The following VAV3 variants were observed in gnomAD, a reference collection of about 807,000 sequenced individuals.
VAV3 encodes vav guanine nucleotide exchange factor 3, also known as guanine nucleotide exchange factor VAV3.
VAV3 carries 94 observed loss-of-function variants against 131.2 expected under a neutral mutation model. That is an observed-to-expected ratio of 0.72 (90% CI 0.61 to 0.85). The LOEUF (loss-of-function observed/expected upper bound fraction) is 0.85, where lower values mean the gene tolerates loss of function less well. VAV3 is among the 40% of genes least tolerant of loss of function. VAV3 has a pLI of 0.00. For missense variants in VAV3, 939 were observed against 1,002.7 expected (o/e 0.94, Z 0.86); for synonymous variants, 349 against 342.0 (o/e 1.02, Z -0.22).
At chr1:107,685,525 A>G (rs1658955583) in intron 18 of VAV3, among the ~76,000 whole-genome samples, 1 of 152,140 alleles carries the variant, frequency 6.6e-6, no homozygotes, top group African/African-American at 2.4e-5. Flanking sequence ...TACTACTTAT[A>G]CTTTAGGTTC....
At chr1:107,687,372 G>A (rs2504460) in intron 18 of VAV3, among the ~76,000 whole-genome samples, 134,156 of 152,168 alleles carry the variant, frequency 0.88, 59,194 homozygotes, top group Middle Eastern at 0.94. Context: ...ACTAGATGTT[G>A]GATTAAAAAC....
At chr1:107,948,997 C>A (rs1304950248) in intron 1 of VAV3, among the ~76,000 whole-genome samples, 1 of 152,200 alleles carries the variant, frequency 6.6e-6, no homozygotes, top group Non-Finnish European at 1.5e-5. Flanking sequence ...TTCAACTATG[C>A]TTCATTCCCA....
chr1:107,670,358 C>T (rs4639792), intron 19 of VAV3, among the ~76,000 whole-genome samples: 34,084 of 152,166 alleles, frequency 0.22, 4,898 homozygotes, highest in East Asian at 0.46. Flanking sequence ...AAACTCTTAA[C>T]CAACACACTC....
intron 20 of VAV3, among the ~76,000 whole-genome samples, chr1:107,633,110 G>A (rs1654628867): frequency 6.6e-6 from 1 of 151,924 alleles, no homozygotes. Flanking sequence ...AGGAATGAAG[G>A]AAATAATGAA....
chr1:107,931,819 T>C (rs1673451151), intron 1 of VAV3, among the ~76,000 whole-genome samples: 1 of 152,114 alleles, frequency 6.6e-6, no homozygotes. Flanking sequence ...AAACCACAGA[T>C]TTGGGGGTTT....
chr1:107,938,313 TGAG>T (rs1050435674), intron 1 of VAV3, among the ~76,000 whole-genome samples: 25 of 151,974 alleles, frequency 1.6e-4, no homozygotes, highest in African/African-American at 5.8e-4. Context: ...CAAGGAAAGC[TGAG>T]GAGGAAGGAG....
chr1:107,599,748 G>T (rs1400344535), intron 24 of VAV3, among the ~76,000 whole-genome samples: 1 of 151,002 alleles, frequency 6.6e-6, no homozygotes, highest in Non-Finnish European at 1.5e-5. Flanking sequence ...TCTGGAGTTT[G>T]CTTATGTTTT....
Position 107,602,393 on chromosome 1 carries a change from T to C in VAV3, c.2220+4A>G, listed in dbSNP as rs575375101. 1 of 1,536,586 alleles carries C rather than the reference T, an allele frequency of 6.5e-7. No homozygotes were observed. Among genetic ancestry groups the C allele is most frequent in the Non-Finnish European group, 8.8e-7 (1 of 1,137,630 alleles). Reference sequence around the variant, plus strand: ...CAGATTGAAAAGAAATAATCAATGCTTACCATTAAACTTTTAAATTTTCTA... The same window carrying C: ...CAGATTGAAAAGAAATAATCAATGCCTACCATTAAACTTTTAAATTTTCTA... On this transcript the variant is annotated splice_donor_region_variant and intron_variant, in intron 24 of 26. Coordinates refer to ENST00000370056, the MANE Select transcript of VAV3 (RefSeq NM_006113.5).
At chr1:107,586,117 T>G (rs1308799711) in intron 25 of VAV3, among the ~76,000 whole-genome samples, 1 of 146,998 alleles carries the variant, frequency 6.8e-6, no homozygotes, top group Non-Finnish European at 1.5e-5. Flanking sequence ...TCAGCGCTCA[T>G]GAGTACCACT....
intron 12 of VAV3, among the ~76,000 whole-genome samples, chr1:107,751,525 A>T (rs988156254): frequency 1.3e-5 from 2 of 152,194 alleles, no homozygotes; most frequent in African/African-American, 4.8e-5. Context: ...TTTTTTGAGC[A>T]TCTACTACGT....
At chr1:107,621,648 T>C (rs1459308241) in intron 20 of VAV3, among the ~76,000 whole-genome samples, 2 of 152,146 alleles carry the variant, frequency 1.3e-5, no homozygotes, top group African/African-American at 2.4e-5. Flanking sequence ...CTTCTTTACA[T>C]TACTCTGTGG....
chr1:107,670,881 C>T (rs866775258), intron 19 of VAV3, among the ~76,000 whole-genome samples: 4 of 152,084 alleles, frequency 2.6e-5, no homozygotes, highest in Non-Finnish European at 5.9e-5. Flanking sequence ...AAAAAAAAAT[C>T]CTTGAACAGT....
At chr1:107,882,120 A>C (rs935747050) in intron 1 of VAV3, among the ~76,000 whole-genome samples, 1 of 152,156 alleles carries the variant, frequency 6.6e-6, no homozygotes, top group Admixed American at 6.5e-5. Context: ...GAAGAGGAAA[A>C]ATCTCTACAG....
At chr1:107,593,779 T>TA (rs1488841307) in intron 25 of VAV3, among the ~76,000 whole-genome samples, 1 of 152,080 alleles carries the variant, frequency 6.6e-6, no homozygotes, top group Non-Finnish European at 1.5e-5. Context: ...TAAAAAATCA[T>TA]AAAGGCAAAG....
intron 2 of VAV3, among the ~76,000 whole-genome samples, chr1:107,784,468 A>G (rs1665877489): frequency 6.6e-6 from 1 of 152,224 alleles, no homozygotes; most frequent in South Asian, 2.1e-4. Context: ...AATTATGTGC[A>G]GATTTTGCTA....
chr1:107,789,711 T>C (rs1666192018), intron 2 of VAV3, among the ~76,000 whole-genome samples: 1 of 152,204 alleles, frequency 6.6e-6, no homozygotes. Context: ...ACTTAATATT[T>C]TAAAAGCCAT....
intron 1 of VAV3, among the ~76,000 whole-genome samples, chr1:107,941,131 T>C (rs1673970491): frequency 6.6e-6 from 1 of 152,146 alleles, no homozygotes; most frequent in Non-Finnish European, 1.5e-5. Context: ...ATCACTCACT[T>C]CTTTCAAAGT....
intron 25 of VAV3, among the ~76,000 whole-genome samples, chr1:107,574,963 C>CTGTGTG (rs753834313): frequency 2.5e-4 from 20 of 81,110 alleles, no homozygotes; most frequent in African/African-American, 5.0e-4. Flanking sequence ...TTGAGTTTCT[C>CTGTGTG]TGTGTGTGTG....
At chr1:107,913,881 C>T (rs762808152) in intron 1 of VAV3, among the ~76,000 whole-genome samples, 6 of 152,122 alleles carry the variant, frequency 3.9e-5, no homozygotes, top group Admixed American at 1.3e-4. Context: ...CTGCAACCAT[C>T]GCCTTCAGGT....
Sources: gnomAD v4.1 joint callset for allele counts (sites outside exome capture counted in the v4.1 genomes callset) on GRCh38, gnomAD v4.1.1 for gene constraint, MANE v1.5 for transcripts, NCBI Gene and HGNC (gene_info 2026-07-23, HGNC 2026-07-21) for gene names.